CDH18: variants seen among roughly 807,000 people sequenced by gnomAD.
The protein encoded by CDH18 is cadherin 18.
In CDH18, 31 loss-of-function variants were observed where a neutral mutation model predicts 67.9. The ratio of observed to expected loss-of-function variants is 0.46; its 90% CI spans 0.34 to 0.62. CDH18 has a LOEUF of 0.62. Among genes scored for constraint, CDH18 ranks in the 20% least tolerant of loss-of-function variants. The pLI, the probability that CDH18 is intolerant of heterozygous loss-of-function variation, is 0.01. For synonymous variants in CDH18, 362 were observed against 347.2 expected, an observed-to-expected ratio of 1.04 and a Z score of -0.48; for missense variants, 890 against 975.5, an observed-to-expected ratio of 0.91 and a Z score of 1.17.
chr5:20,461,518 C>T (rs1325622038), intron 1 of CDH18, among the ~76,000 whole-genome samples: 13 of 152,082 alleles, frequency 8.5e-5, no homozygotes, highest in Admixed American at 8.5e-4. Flanking sequence ...CTGATTATGG[C>T]AATCACTTTC....
At chr5:19,600,307 C>A (rs1204901100) in intron 6 of CDH18, among the ~76,000 whole-genome samples, 5 of 151,466 alleles carry the variant, frequency 3.3e-5, no homozygotes, top group African/African-American at 1.2e-4. Flanking sequence ...TGTAACAAAC[C>A]TGCACGTTGT....
chr5:20,377,167 C>T (rs971688404), intron 1 of CDH18, among the ~76,000 whole-genome samples: 4 of 152,152 alleles, frequency 2.6e-5, no homozygotes, highest in African/African-American at 7.2e-5. Flanking sequence ...CATTTTTCAA[C>T]ATTTGTCTGC....
At chr5:19,908,984 C>G (rs760872055) in intron 2 of CDH18, among the ~76,000 whole-genome samples, 12 of 152,122 alleles carry the variant, frequency 7.9e-5, no homozygotes, top group Non-Finnish European at 1.6e-4. Context: ...TTTGGGCCAG[C>G]CACAGGACCA....
intron 5 of CDH18, among the ~76,000 whole-genome samples, chr5:19,696,660 C>G (rs972278276): frequency 5.9e-5 from 9 of 152,018 alleles, no homozygotes; most frequent in African/African-American, 4.8e-5. Flanking sequence ...TCCCAAAGTG[C>G]TGGGATTACA....
chr5:19,699,611 C>CGTGTGT (rs1762952612), intron 5 of CDH18, among the ~76,000 whole-genome samples: 2 of 93,666 alleles, frequency 2.1e-5, no homozygotes, highest in Non-Finnish European at 5.0e-5. Context: ...TCTCTTTCTC[C>CGTGTGT]ATGTGTGTGT....
intron 5 of CDH18, among the ~76,000 whole-genome samples, chr5:19,694,455 C>G (rs1762287674): frequency 3.9e-5 from 6 of 152,040 alleles, no homozygotes. Flanking sequence ...CTCCCTCTGC[C>G]AAGACAATAA....
intron 1 of CDH18, among the ~76,000 whole-genome samples, chr5:20,531,436 T>C (rs569385680): frequency 2.6e-5 from 4 of 152,104 alleles, no homozygotes; most frequent in East Asian, 1.9e-4. Context: ...AATACATCGA[T>C]GTGTATGCTC....
At chr5:19,614,629 A>T (rs1561472622) in intron 5 of CDH18, among the ~76,000 whole-genome samples, 2 of 152,128 alleles carry the variant, frequency 1.3e-5, no homozygotes, top group Non-Finnish European at 1.5e-5. Flanking sequence ...GAAATATGAG[A>T]TTATTATCAA....
chr5:20,046,701 T>TAA (rs1160169208), intron 2 of CDH18, among the ~76,000 whole-genome samples: 1 of 150,304 alleles, frequency 6.7e-6, no homozygotes, highest in Non-Finnish European at 1.5e-5. Flanking sequence ...TATATATATA[T>TAA]AATCAAAGAT....
chr5:20,467,168 T>A (rs964438530), intron 1 of CDH18, among the ~76,000 whole-genome samples: 1 of 152,144 alleles, frequency 6.6e-6, no homozygotes, highest in Admixed American at 6.5e-5. Context: ...CCAACATTTT[T>A]AAATACAATT....
intron 2 of CDH18, among the ~76,000 whole-genome samples, chr5:20,156,980 G>T (rs1024953773): frequency 6.6e-6 from 1 of 152,250 alleles, no homozygotes; most frequent in Non-Finnish European, 1.5e-5. Context: ...GCCTGGAATG[G>T]AGGCTAGTTC....
chr5:19,801,650 C>T (rs1777484843), intron 3 of CDH18, among the ~76,000 whole-genome samples: 1 of 152,160 alleles, frequency 6.6e-6, no homozygotes, highest in African/African-American at 2.4e-5. Context: ...GGAATATACA[C>T]CAGATCAGAG....
At chr5:20,190,069 G>C (rs1435297458) in intron 2 of CDH18, among the ~76,000 whole-genome samples, 1 of 152,052 alleles carries the variant, frequency 6.6e-6, no homozygotes, top group African/African-American at 2.4e-5. Flanking sequence ...CAGACCATAG[G>C]CTCCAGCCCC....
Position 19,838,821 on chromosome 5 carries a change from C to A in CDH18, c.166G>T (p.Val56Leu), listed in dbSNP as rs775765843. 9 of 1,613,776 alleles carry A rather than the reference C, an allele frequency of 5.6e-6. No homozygotes were observed. The highest frequency in any genetic ancestry group is 3.3e-5 in the South Asian group (3 of 91,086). Residue 56 changes from valine (V) to leucine (L), a missense_variant, in exon 3 of 13, where the codon GTA becomes TTA. Around this residue, in one of 2 missense-constraint regions of CDH18, gnomAD observed 234 missense variants for 307.4 expected, o/e 0.76. Coordinates refer to ENST00000382275, the MANE Select transcript of CDH18 (RefSeq NM_004934.5). ...TCTAAAACAAAGAACTGATTCCATA[C>A]CCATCCCCTTTTGGGACGATGATGG... ...EVHHRPKRGWVWNQFFVLEEH... is the reference protein window; with the variant it reads ...EVHHRPKRGWLWNQFFVLEEH...
At chr5:20,517,274 T>C (rs1210252957) in intron 1 of CDH18, among the ~76,000 whole-genome samples, 1 of 151,632 alleles carries the variant, frequency 6.6e-6, no homozygotes, top group African/African-American at 2.4e-5. Flanking sequence ...TATTTGCTTA[T>C]ATATTTTTGT....
At chr5:19,762,030 T>G (rs541268182) in intron 3 of CDH18, among the ~76,000 whole-genome samples, 5,347 of 152,080 alleles carry the variant, frequency 0.035, 232 homozygotes, top group African/African-American at 0.11. Flanking sequence ...GGGAAAACTG[T>G]CTAGCCATAT....
At chr5:19,534,306 A>AAG (rs1486855784) in intron 9 of CDH18, among the ~76,000 whole-genome samples, 1 of 152,088 alleles carries the variant, frequency 6.6e-6, no homozygotes, top group Non-Finnish European at 1.5e-5. Flanking sequence ...TTAAAAAAAA[A>AAG]CTGAAAGCAG....
At position 19,774,214 on chromosome 5, in the gene CDH18, G is replaced by A. The variant is rs575255636; in HGVS notation, c.229-26978C>T. The stretch of plus-strand genomic sequence containing the variant: ...GGCAGAAATACCTGGGTGGCAGGGT[G>A]ACAACTATTATGGACTGAATATTTG... On this transcript the variant is annotated intron_variant, in intron 3 of 12. Transcript: ENST00000382275. Among the ~76,000 whole-genome samples the A allele has an allele frequency of 2.2e-3, 339 of 152,056 alleles. 3 individuals are homozygous for A. The highest frequency in any genetic ancestry group is 3.4e-3 in the Middle Eastern group (1 of 294).
chr5:20,412,976 C>T (rs562432683), intron 1 of CDH18, among the ~76,000 whole-genome samples: 14 of 152,296 alleles, frequency 9.2e-5, no homozygotes, highest in South Asian at 4.1e-4. Flanking sequence ...CCGCACCCCA[C>T]GACAGGCCCC....
Sources: gnomAD v4.1 joint callset for allele counts (sites outside exome capture counted in the v4.1 genomes callset) on GRCh38, gnomAD v4.1.1 for gene constraint, gnomAD v4.1.1 regional missense constraint, MANE v1.5 for transcripts, NCBI Gene and HGNC (gene_info 2026-07-23, HGNC 2026-07-21) for gene names.